The following PKD2L1 variants were observed in gnomAD, a reference collection of about 807,000 sequenced individuals.
The protein encoded by PKD2L1 is polycystin 2 like 1, transient receptor potential cation channel, also known as polycystin-2-like protein 1.
A neutral mutation model predicts 93.0 loss-of-function variants in PKD2L1; 77 were observed. The observed-to-expected ratio is 0.83, with a 90% CI of 0.69 to 1.00. The LOEUF (loss-of-function observed/expected upper bound fraction) is 1.00. Among genes scored for constraint, PKD2L1 ranks in the 50% least tolerant of loss-of-function variants. PKD2L1 has a pLI of 0.00. For missense variants in PKD2L1, 977 were observed against 990.9 expected (o/e 0.99, Z 0.19); for synonymous variants, 390 against 388.0 (o/e 1.01, Z -0.06).
intron 2 of PKD2L1, among the ~76,000 whole-genome samples, chr10:100,318,638 C>T (rs537124871): frequency 5.3e-5 from 8 of 151,450 alleles, no homozygotes; most frequent in African/African-American, 1.9e-4. Context: ...CCTGCCTCAG[C>T]CTCCCGAGTA....
At chr10:100,298,501 T>A in intron 4 of PKD2L1, 61 bp downstream of exon 4, 1 of 1,564,210 alleles carries the variant, frequency 6.4e-7, no homozygotes, top group Non-Finnish European at 8.7e-7. Context: ...TCCCAGACCT[T>A]GGGATGGTGT....
At chr10:100,305,410 G>A (rs989945953) in intron 2 of PKD2L1, among the ~76,000 whole-genome samples, 5 of 152,036 alleles carry the variant, frequency 3.3e-5, no homozygotes, top group Admixed American at 6.6e-5. Flanking sequence ...CACCACACCC[G>A]GCCAAGTGAA....
chr10:100,303,153 C>A (rs895849437), intron 2 of PKD2L1, among the ~76,000 whole-genome samples: 2 of 147,004 alleles, frequency 1.4e-5, no homozygotes, highest in African/African-American at 2.5e-5. Context: ...TTGTCTTTTT[C>A]TTGCAAATTT....
chr10:100,295,991 GC>G (rs1401426897), intron 7 of PKD2L1, 130 bp downstream of exon 7: 1 of 718,808 alleles, frequency 1.4e-6, no homozygotes, highest in Non-Finnish European at 2.2e-6. Flanking sequence ...AGCCAAGATC[GC>G]CCCCACTTCA....
At chr10:100,289,385 C>G (rs531520908) in intron 14 of PKD2L1, among the ~76,000 whole-genome samples, 2 of 152,142 alleles carry the variant, frequency 1.3e-5, no homozygotes, top group South Asian at 4.2e-4. Flanking sequence ...ACTAAAAATA[C>G]AAAATTAGCT....
intron 2 of PKD2L1, among the ~76,000 whole-genome samples, chr10:100,320,736 T>A (rs934464964): frequency 6.6e-6 from 1 of 152,224 alleles, no homozygotes; most frequent in East Asian, 1.9e-4. Context: ...ACCTATTTAA[T>A]AATAAAAATT....
intron 11 of PKD2L1, 120 bp downstream of exon 11, chr10:100,292,828 G>C: frequency 9.8e-7 from 1 of 1,021,670 alleles, no homozygotes; most frequent in Non-Finnish European, 1.4e-6. Context: ...TCTGAAGCCT[G>C]CAAGTCAAGA....
intron 2 of PKD2L1, among the ~76,000 whole-genome samples, chr10:100,309,508 T>G (rs1352764820): frequency 6.6e-6 from 1 of 152,204 alleles, no homozygotes; most frequent in Non-Finnish European, 1.5e-5. Flanking sequence ...TTCCCTCCTC[T>G]CTTGGCTAAT....
intron 14 of PKD2L1, 108 bp downstream of exon 14, chr10:100,289,907 C>A (rs550286716): frequency 2.4e-6 from 3 of 1,233,074 alleles, no homozygotes; most frequent in Non-Finnish European, 3.5e-6. Flanking sequence ...TCCCCAGGAG[C>A]CTGAAAACAT....
intron 2 of PKD2L1, among the ~76,000 whole-genome samples, chr10:100,315,905 C>A (rs1333201616): frequency 1.3e-5 from 2 of 152,076 alleles, no homozygotes; most frequent in Admixed American, 1.3e-4. Context: ...GCCTCCCTGG[C>A]AATGACTTAA....
chr10:100,326,501 C>T (rs886714379), intron 2 of PKD2L1, among the ~76,000 whole-genome samples: 2 of 152,238 alleles, frequency 1.3e-5, no homozygotes, highest in South Asian at 4.1e-4. Context: ...ACTTCCTCTG[C>T]ATTTCCTCAC....
intron 15 of PKD2L1, 65 bp downstream of exon 15, chr10:100,288,907 G>A: frequency 2.0e-6 from 2 of 1,014,676 alleles, no homozygotes; most frequent in South Asian, 3.0e-5. Flanking sequence ...GATGTGGCGA[G>A]GGGGCCTGTG....
chr10:100,299,255 C>A (rs948527760), intron 3 of PKD2L1, among the ~76,000 whole-genome samples: 1 of 152,176 alleles, frequency 6.6e-6, no homozygotes, highest in Admixed American at 6.5e-5. Flanking sequence ...CCGTGCCCGG[C>A]CTGCTTTTTA....
chr10:100,303,477 C>T (rs1473931630), intron 2 of PKD2L1, among the ~76,000 whole-genome samples: 1 of 152,214 alleles, frequency 6.6e-6, no homozygotes, highest in Admixed American at 6.5e-5. Flanking sequence ...AGCCACCGCG[C>T]CCGGCCCACA....
intron 2 of PKD2L1, among the ~76,000 whole-genome samples, chr10:100,311,746 C>A (rs1848939203): frequency 6.6e-6 from 1 of 152,222 alleles, no homozygotes; most frequent in Non-Finnish European, 1.5e-5. Flanking sequence ...AATGGGATCC[C>A]TTCCCTCAAC....
chr10:100,328,501 C>A (rs1490134909), intron 2 of PKD2L1, among the ~76,000 whole-genome samples: 1 of 152,114 alleles, frequency 6.6e-6, no homozygotes, highest in Non-Finnish European at 1.5e-5. Context: ...TTTTTCTCTG[C>A]CTCTAAAGAA....
intron 2 of PKD2L1, among the ~76,000 whole-genome samples, chr10:100,300,075 G>T: frequency 6.6e-6 from 1 of 152,220 alleles, no homozygotes; most frequent in East Asian, 1.9e-4. Context: ...TCTGCACTGT[G>T]TAGTGATTCC....
intron 7 of PKD2L1, among the ~76,000 whole-genome samples, chr10:100,295,495 G>A (rs2134380319): frequency 6.6e-6 from 1 of 151,380 alleles, no homozygotes; most frequent in African/African-American, 2.4e-5. Flanking sequence ...ACTTTGGGAG[G>A]CTGAGGCAGG....
intron 1 of PKD2L1, among the ~76,000 whole-genome samples, 191 bp downstream of exon 1, chr10:100,329,678 C>T (rs1030684908): frequency 1.3e-5 from 2 of 152,208 alleles, no homozygotes; most frequent in Admixed American, 6.5e-5. Flanking sequence ...CTCCCACAAC[C>T]GGTAGACCGC....
Sources: allele counts gnomAD v4.1 joint callset (sites outside exome capture counted in the v4.1 genomes callset), GRCh38; gene constraint gnomAD v4.1.1; transcripts MANE v1.5; gene names NCBI Gene and HGNC (gene_info 2026-07-23, HGNC 2026-07-21).